IGF2R: variants seen among roughly 807,000 people sequenced by gnomAD.
IGF2R encodes cation-independent mannose-6-phosphate receptor.
IGF2R carries 91 observed loss-of-function variants against 270.6 expected under a neutral mutation model. The ratio of observed to expected loss-of-function variants is 0.34; its 90% CI spans 0.28 to 0.40. The LOEUF (loss-of-function observed/expected upper bound fraction) is 0.40. IGF2R is among the 10% of genes least tolerant of loss of function. The pLI, the probability that IGF2R is intolerant of heterozygous loss-of-function variation, is 1.00. For missense variants in IGF2R, 2,805 were observed against 3,188.3 expected (o/e 0.88, Z 2.90); for synonymous variants, 1,316 against 1,258.9 (o/e 1.05, Z -0.96).
At chr6:159,993,035 G>T (rs548760218) in intron 2 of IGF2R, among the ~76,000 whole-genome samples, 2 of 152,246 alleles carry the variant, frequency 1.3e-5, no homozygotes, top group East Asian at 1.9e-4. Context: ...ACATATGCTT[G>T]TTGGCCATTT....
rs915900226 is a variant in IGF2R at position 160,094,305 on chromosome 6, T to C, written c.6656-2134T>C. The C allele has an allele frequency of 3.5e-5, 9 of 259,990 alleles. No individual in the cohort carries two copies. The East Asian group carries it at 4.8e-4, about 14-fold the overall frequency. 16.1% of individuals were successfully genotyped at this position (259,990 alleles called of 1,614,324 possible). A position where few individuals can be genotyped will look rare whatever the true frequency, so the allele number is the denominator to read the frequency against. On this transcript the variant is annotated intron_variant, in intron 44 of 47. Coordinates refer to ENST00000356956, the MANE Select transcript of IGF2R (RefSeq NM_000876.4). Reference sequence around the variant, plus strand: ...ATCCATCCAGTCTGAGAAAGTAAGATAGGGAATCCTGCCGAGGAACAAGCC... The same window carrying C: ...ATCCATCCAGTCTGAGAAAGTAAGACAGGGAATCCTGCCGAGGAACAAGCC...
intron 19 of IGF2R, among the ~76,000 whole-genome samples, chr6:160,055,433 A>C (rs1215564171): frequency 6.6e-6 from 1 of 152,042 alleles, no homozygotes; most frequent in Non-Finnish European, 1.5e-5. Flanking sequence ...CAGGAAATAC[A>C]CTCACTGAAG....
chr6:160,102,725 A>T lies in IGF2R; in HGVS notation c.6995+54A>T, dbSNP rs937621529. On this transcript the variant is annotated intron_variant, in intron 46 of 47. Coordinates refer to ENST00000356956, the MANE Select transcript of IGF2R (RefSeq NM_000876.4). The surrounding 1 kb of genome is among the most constrained non-coding windows in gnomAD (Gnocchi z 4.5). The stretch of plus-strand genomic sequence containing the variant: ...GGGTGGATGCATGCCTCCCATAGCT[A>T]ATCTTGGGGTCAGTTTTGTGGGGTT... The T allele has an allele frequency of 2.6e-6, 4 of 1,522,856 alleles. No homozygotes were observed. Among genetic ancestry groups the T allele is most frequent in the Non-Finnish European group, 3.6e-6 (4 of 1,122,902 alleles). 94.3% of individuals were successfully genotyped at this position (1,522,856 alleles called of 1,614,324 possible).
intron 45 of IGF2R, among the ~76,000 whole-genome samples, chr6:160,097,267 G>A (rs1447343674): frequency 6.6e-6 from 1 of 152,164 alleles, no homozygotes; most frequent in Non-Finnish European, 1.5e-5. Context: ...GTTGTCAGTT[G>A]CTTTCCTCTT....
intron 10 of IGF2R, among the ~76,000 whole-genome samples, chr6:160,039,634 A>G (rs1016197192): frequency 6.6e-6 from 1 of 152,198 alleles, no homozygotes; most frequent in African/African-American, 2.4e-5. Flanking sequence ...ATCATTACCT[A>G]GCTTATGATA....
chr6:159,997,131 T>C (rs1433166910), intron 2 of IGF2R, among the ~76,000 whole-genome samples: 1 of 152,204 alleles, frequency 6.6e-6, no homozygotes, highest in Non-Finnish European at 1.5e-5. Flanking sequence ...CTCCACTGCA[T>C]GTGGCACAGG....
intron 3 of IGF2R, chr6:160,010,449 G>C: frequency 2.5e-6 from 1 of 403,506 alleles, no homozygotes; most frequent in Non-Finnish European, 4.5e-6. Flanking sequence ...AGCTGGGGCG[G>C]TAGAATTCCT....
Position 160,089,060 on chromosome 6 carries a change from A to G in IGF2R, c.6321-47A>G, listed in dbSNP as rs1320553338. On this transcript the variant is annotated intron_variant, in intron 42 of 47. Coordinates refer to ENST00000356956, the MANE Select transcript of IGF2R (RefSeq NM_000876.4). ...GTTCATTGTTTTGCAGTCTTCCCTT[A>G]TGTCTGGCTGGGGAAGTGACTGTAG... 4 of 1,588,878 alleles carry G rather than the reference A, an allele frequency of 2.5e-6. No individual in the cohort carries two copies. In the East Asian group the frequency reaches 9.0e-5, roughly 36 times the overall value.
chr6:160,099,315 G>GT (rs898956477), intron 45 of IGF2R, among the ~76,000 whole-genome samples: 2 of 151,074 alleles, frequency 1.3e-5, no homozygotes, highest in African/African-American at 2.4e-5. Flanking sequence ...AATGAAACCA[G>GT]TTTTTTTTCC....
intron 4 of IGF2R, among the ~76,000 whole-genome samples, chr6:160,023,428 A>G (rs903661556): frequency 1.3e-5 from 2 of 152,152 alleles, no homozygotes; most frequent in Non-Finnish European, 2.9e-5. Context: ...AAATTTAAAT[A>G]CATGAAATTT....
chr6:160,069,319 T>C (rs115454028), intron 30 of IGF2R, among the ~76,000 whole-genome samples: 209 of 152,240 alleles, frequency 1.4e-3, no homozygotes, highest in African/African-American at 4.9e-3. Context: ...GTGTGGTTAT[T>C]TTTAGCTGCA....
Position 160,046,511 on chromosome 6 carries a change from C to T in IGF2R, c.1917C>T (p.Asp639=), listed in dbSNP as rs1255519355. Residue 639 remains aspartate, a synonymous_variant, in exon 15 of 48, where the codon GAC becomes GAT. Coordinates refer to ENST00000356956, the MANE Select transcript of IGF2R (RefSeq NM_000876.4). ...ATTCTTTCTTAGGGTTTTCTTTTGA[C>T]TTATCACCTCTCACAAAGAAAAATG... ...VFDSQAGFSF[D]LSPLTKKNGA... The T allele has an allele frequency of 1.1e-5, 18 of 1,608,162 alleles. No individual in the cohort carries two copies. Among genetic ancestry groups the T allele is most frequent in the Non-Finnish European group, 1.5e-5 (18 of 1,178,698 alleles).
chr6:159,981,257 G>A (rs1174814286), intron 1 of IGF2R, among the ~76,000 whole-genome samples: 8 of 152,164 alleles, frequency 5.3e-5, no homozygotes, highest in African/African-American at 1.7e-4. Context: ...GTATGTGTGC[G>A]TGAGTGCGTG....
Position 160,102,693 on chromosome 6 carries a change from G to T in IGF2R, c.6995+22G>T, listed in dbSNP as rs1583308901. On this transcript the variant is annotated intron_variant, in intron 46 of 47. Coordinates refer to ENST00000356956, the MANE Select transcript of IGF2R (RefSeq NM_000876.4). The surrounding 1 kb of genome is among the most constrained non-coding windows in gnomAD (Gnocchi z 4.5). ...GGAGGTAAGCGGGTGGCAGGGCGAG[G>T]TGGGGCGGGTGGATGCATGCCTCCC... The T allele has an allele frequency of 1.3e-6, 2 of 1,567,510 alleles. No individual in the cohort carries two copies. The highest frequency in any genetic ancestry group is 1.7e-6 in the Non-Finnish European group (2 of 1,152,020).
Position 160,089,262 on chromosome 6 carries a change from A to G in IGF2R, c.6467+9A>G, listed in dbSNP as rs746108672. 7 of 1,601,752 alleles carry G rather than the reference A, an allele frequency of 4.4e-6. No homozygotes were observed. Among genetic ancestry groups the G allele is most frequent in the African/African-American group, 1.3e-5 (1 of 74,576 alleles). ...GGAGATATTTATTTTAAGTAAGTAA[A>G]ACGTTTTCCTTCTGAGCTGTGAAAT... On this transcript the variant is annotated intron_variant, in intron 43 of 47. Transcript: ENST00000356956.
At chr6:160,035,289 G>A (rs1383867689) in intron 10 of IGF2R, among the ~76,000 whole-genome samples, 4 of 152,158 alleles carry the variant, frequency 2.6e-5, no homozygotes, top group Admixed American at 1.3e-4. Flanking sequence ...CCTTGCTTCC[G>A]TGTGTTCTGT....
At chr6:160,075,747 A>C in intron 35 of IGF2R, 100 bp from the exon 36 acceptor site, 1 of 1,214,676 alleles carries the variant, frequency 8.2e-7, no homozygotes, top group South Asian at 1.4e-5. Flanking sequence ...CTCAGAACCT[A>C]TGAGGTCTGG....
rs1252339701 is a variant in IGF2R, at chr6:160,049,964, G to A, written c.2515-509G>A. Among the ~76,000 whole-genome samples, 5 of 152,182 alleles carry A rather than the reference G, an allele frequency of 3.3e-5. No individual in the cohort carries two copies. In the East Asian group the frequency reaches 7.7e-4, roughly 23 times the overall value. ...AGGAATTTGGGTTGAGGGACTTAAG[G>A]GATTTGGAGCGGGCCAAGGTGTGGG... On this transcript the variant is annotated intron_variant, in intron 18 of 47. Coordinates refer to ENST00000356956, the MANE Select transcript of IGF2R (RefSeq NM_000876.4).
intron 4 of IGF2R, among the ~76,000 whole-genome samples, chr6:160,012,569 G>C (rs560695390): frequency 6.6e-5 from 10 of 151,396 alleles, no homozygotes; most frequent in Admixed American, 4.6e-4. Context: ...GATCTCACAA[G>C]AACTCACTCA....
Sources: gnomAD v4.1 joint callset for allele counts (sites outside exome capture counted in the v4.1 genomes callset) on GRCh38, gnomAD v4.1.1 for gene constraint, Gnocchi (gnomAD v3.1) non-coding constraint, MANE v1.5 for transcripts, NCBI Gene and HGNC (gene_info 2026-07-23, HGNC 2026-07-21) for gene names.